SPAG16: variants seen among roughly 807,000 people sequenced by gnomAD.
SPAG16 encodes sperm-associated antigen 16 protein.
In SPAG16, 86 loss-of-function variants were observed where a neutral mutation model predicts 80.4. The observed-to-expected ratio is 1.07, with a 90% CI of 0.90 to 1.28. The LOEUF is 1.28. Among genes scored for constraint, SPAG16 ranks in the 50% most tolerant of loss-of-function variants. The probability of loss-of-function intolerance (pLI) is 0.00; values close to 1 mark genes in which losing one functional copy is unlikely to be tolerated. For synonymous variants in SPAG16, 294 were observed against 265.9 expected (o/e 1.11, Z -1.03); for missense variants, 870 against 765.3 (o/e 1.14, Z -1.61).
intron 3 of SPAG16, among the ~76,000 whole-genome samples, chr2:213,300,778 A>C (rs922783213): frequency 1.3e-5 from 2 of 152,154 alleles, no homozygotes; most frequent in East Asian, 1.9e-4. Flanking sequence ...AATTCTTGAT[A>C]GGTATAACTC....
intron 15 of SPAG16, among the ~76,000 whole-genome samples, chr2:214,365,030 G>T (rs1699390474): frequency 6.6e-6 from 1 of 152,156 alleles, no homozygotes; most frequent in African/African-American, 2.4e-5. Context: ...AAAAGAGAAT[G>T]GTAAGGAGAC....
chr2:213,965,200 A>T (rs2044648635), intron 12 of SPAG16, among the ~76,000 whole-genome samples: 1 of 152,200 alleles, frequency 6.6e-6, no homozygotes, highest in Non-Finnish European at 1.5e-5. Flanking sequence ...CATAGAGTGC[A>T]GTCCCCCTGA....
intron 7 of SPAG16, among the ~76,000 whole-genome samples, chr2:213,354,608 G>A (rs774117518): frequency 6.6e-6 from 1 of 152,102 alleles, no homozygotes; most frequent in Non-Finnish European, 1.5e-5. Context: ...ATCTCATTGT[G>A]GTTTTTATTT....
At chr2:214,205,922 G>T (rs569640095) in intron 15 of SPAG16, among the ~76,000 whole-genome samples, 1 of 152,034 alleles carries the variant, frequency 6.6e-6, no homozygotes, top group African/African-American at 2.4e-5. Context: ...CTGGCCGGGC[G>T]CAGTGGCTGA....
chr2:213,815,997 G>A (rs1199731035), intron 10 of SPAG16, among the ~76,000 whole-genome samples: 1 of 152,032 alleles, frequency 6.6e-6, no homozygotes, highest in African/African-American at 2.4e-5. Flanking sequence ...AGATTAATAT[G>A]CAGAAATACA....
chr2:214,016,135 T>C (rs926935059), intron 13 of SPAG16, among the ~76,000 whole-genome samples: 10 of 152,084 alleles, frequency 6.6e-5, no homozygotes, highest in African/African-American at 2.2e-4. Flanking sequence ...AAGAGTGAAT[T>C]TGATTTTAAT....
intron 7 of SPAG16, among the ~76,000 whole-genome samples, chr2:213,360,821 AT>A (rs377600095): frequency 6.0e-4 from 91 of 152,314 alleles, no homozygotes; most frequent in African/African-American, 2.1e-3. Flanking sequence ...TTGTGCTTAT[AT>A]TTTGAATATT....
chr2:213,925,628 A>C (rs2078435831), intron 11 of SPAG16, among the ~76,000 whole-genome samples: 2 of 152,254 alleles, frequency 1.3e-5, no homozygotes, highest in Admixed American at 6.5e-5. Flanking sequence ...CTGGAATTAC[A>C]GACATGGGCC....
At chr2:214,242,152 T>G (rs1307921152) in intron 15 of SPAG16, among the ~76,000 whole-genome samples, 2 of 152,220 alleles carry the variant, frequency 1.3e-5, no homozygotes, top group African/African-American at 4.8e-5. Context: ...TATTTCAACC[T>G]ATTAGCTTCC....
At chr2:214,027,819 T>C (rs1341094331) in intron 13 of SPAG16, among the ~76,000 whole-genome samples, 1 of 151,950 alleles carries the variant, frequency 6.6e-6, no homozygotes, top group African/African-American at 2.4e-5. Flanking sequence ...ACAGTCTTTT[T>C]CAAATTAGTA....
chr2:213,702,429 G>A (rs567359613), intron 10 of SPAG16, among the ~76,000 whole-genome samples: 4 of 152,114 alleles, frequency 2.6e-5, no homozygotes, highest in Non-Finnish European at 4.4e-5. Context: ...TCACCGCGAA[G>A]GTCTGCACCT....
At chr2:213,356,704 G>A (rs1001565985) in intron 7 of SPAG16, among the ~76,000 whole-genome samples, 2 of 152,018 alleles carry the variant, frequency 1.3e-5, no homozygotes, top group African/African-American at 4.8e-5. Flanking sequence ...GCCAGCTCCT[G>A]GCTACTTTGA....
intron 11 of SPAG16, among the ~76,000 whole-genome samples, chr2:213,865,724 T>G (rs1020633372): frequency 6.8e-6 from 1 of 147,706 alleles, no homozygotes; most frequent in Non-Finnish European, 1.5e-5. Context: ...TATATTTATA[T>G]ACATATAAAT....
intron 10 of SPAG16, among the ~76,000 whole-genome samples, chr2:213,734,140 T>C (rs955909672): frequency 2.0e-5 from 3 of 152,136 alleles, no homozygotes; most frequent in African/African-American, 7.2e-5. Flanking sequence ...CCCCTGGGTA[T>C]GATTTAGGTT....
rs2075520114 is a variant in SPAG16, at chr2:213,862,626, C to G, written c.1212C>G (p.Pro404=). 2.5e-6 allele frequency: 4 copies of G among 1,613,988 alleles called. No homozygotes were observed. The highest frequency in any genetic ancestry group is 1.7e-5 in the Admixed American group (1 of 59,992). ...GGCTTTCAGACTGCTGCTTCCATCC[C>G]AGGTCAGTGCACAGGACCCCTAGAA... The part of the protein sequence containing the change: ...TDWLSDCCFH[P]SGDKLATSSG... The change falls in exon 11 of 16, where the codon CCC becomes CCG. Residue 404 remains proline, a splice_region_variant and synonymous_variant. Coordinates refer to ENST00000331683, the MANE Select transcript of SPAG16 (RefSeq NM_024532.5).
At chr2:213,876,358 T>C (rs2076143995) in intron 11 of SPAG16, among the ~76,000 whole-genome samples, 1 of 151,460 alleles carries the variant, frequency 6.6e-6, no homozygotes, top group African/African-American at 2.4e-5. Context: ...TTTGTGTAGT[T>C]GAATCCTTAT....
chr2:214,188,019 C>G (rs1019079965), intron 15 of SPAG16, among the ~76,000 whole-genome samples: 10 of 152,050 alleles, frequency 6.6e-5, no homozygotes, highest in African/African-American at 2.2e-4. Context: ...CCATCCAGAA[C>G]CATAAGAAGC....
intron 10 of SPAG16, among the ~76,000 whole-genome samples, chr2:213,812,915 T>A (rs1363468433): frequency 6.6e-6 from 1 of 152,042 alleles, no homozygotes; most frequent in Non-Finnish European, 1.5e-5. Context: ...GAGGTTTGTA[T>A]GTGAAAAAAT....
intron 10 of SPAG16, among the ~76,000 whole-genome samples, chr2:213,519,103 T>A (rs907906748): frequency 6.6e-6 from 1 of 152,198 alleles, no homozygotes; most frequent in Non-Finnish European, 1.5e-5. Flanking sequence ...GCCTATTGCA[T>A]ACTATGCTCA....
Sources: gnomAD v4.1 joint callset for allele counts (sites outside exome capture counted in the v4.1 genomes callset) on GRCh38, gnomAD v4.1.1 for gene constraint, MANE v1.5 for transcripts, NCBI Gene and HGNC (gene_info 2026-07-23, HGNC 2026-07-21) for gene names.